Variants in BOLL observed in about 807,000 individuals in gnomAD.
BOLL encodes the protein boule RNA binding protein.
In BOLL, 23 loss-of-function variants were observed where a neutral mutation model predicts 44.4. The ratio of observed to expected loss-of-function variants is 0.52; its 90% CI spans 0.37 to 0.73. The LOEUF (loss-of-function observed/expected upper bound fraction) is 0.73, where lower values mean the gene tolerates loss of function less well. Ranked by LOEUF, BOLL falls within the 30% of genes least tolerant of loss-of-function variation. BOLL has a pLI of 0.00. For synonymous variants in BOLL, 97 were observed against 110.8 expected, an observed-to-expected ratio of 0.88 and a Z score of 0.78; for missense variants, 287 against 338.3, an observed-to-expected ratio of 0.85 and a Z score of 1.19.
chr2:197,782,764 A>G (rs1009416794), intron 1 of BOLL, among the ~76,000 whole-genome samples: 4 of 152,202 alleles, frequency 2.6e-5, no homozygotes, highest in African/African-American at 7.2e-5. Context: ...TAACATTCAC[A>G]TTCACCATTT....
At position 197,733,774 on chromosome 2, in the gene BOLL, A is replaced by C. The variant is rs538645817; in HGVS notation, c.829-5196T>G. Among the ~76,000 whole-genome samples, 12 of 152,302 alleles carry C rather than the reference A, an allele frequency of 7.9e-5. No homozygotes were observed. The South Asian group carries it at 2.3e-3, about 29-fold the overall frequency. ...GGCTAGCCATATGTAGAAAGCTGAA[A>C]CTGGATCCCTTCCTTACACCTTACA... On this transcript the variant is annotated intron_variant, in intron 10 of 10. Coordinates refer to ENST00000392296, the MANE Select transcript of BOLL (RefSeq NM_033030.6).
chr2:197,763,865 T>G (rs891188081), intron 7 of BOLL, among the ~76,000 whole-genome samples: 1 of 151,952 alleles, frequency 6.6e-6, no homozygotes, highest in East Asian at 1.9e-4. Context: ...ATAAACTGAT[T>G]AAAAATGGGC....
chr2:197,775,576 A>T, intron 5 of BOLL, 89 bp downstream of exon 5: 1 of 880,324 alleles, frequency 1.1e-6, no homozygotes, highest in Admixed American at 2.7e-5. Context: ...AAGAAACATG[A>T]TCTTTTAATA....
chr2:197,756,302 A>G, intron 9 of BOLL, 126 bp downstream of exon 9: 1 of 947,078 alleles, frequency 1.1e-6, no homozygotes, highest in South Asian at 2.5e-5. Flanking sequence ...AAGAGATTTG[A>G]ATAAATCAAC....
intron 7 of BOLL, 47 bp from the exon 8 acceptor site, chr2:197,757,447 AG>A: frequency 6.4e-7 from 1 of 1,553,508 alleles, no homozygotes; most frequent in East Asian, 2.3e-5. Flanking sequence ...ATTATAAACA[AG>A]GGTTAAAACT....
At chr2:197,741,864 AG>A (rs1383398466) in intron 10 of BOLL, among the ~76,000 whole-genome samples, 5 of 152,232 alleles carry the variant, frequency 3.3e-5, no homozygotes, top group Non-Finnish European at 7.3e-5. Context: ...CTACCATCAG[AG>A]TGAAAAGGCA....
chr2:197,756,052 A>G (rs1688504159), intron 9 of BOLL: 1 of 152,450 alleles, frequency 6.6e-6, no homozygotes, highest in African/African-American at 2.4e-5. Flanking sequence ...TTTTGTAGGA[A>G]GAATTTTTTT....
chr2:197,780,641 A>G (rs1689725626), intron 2 of BOLL, among the ~76,000 whole-genome samples: 1 of 152,054 alleles, frequency 6.6e-6, no homozygotes, highest in Non-Finnish European at 1.5e-5. Flanking sequence ...TACTTGTTTA[A>G]GACTCATTGT....
intron 8 of BOLL, among the ~76,000 whole-genome samples, chr2:197,756,792 A>C (rs2106350273): frequency 6.6e-6 from 1 of 152,296 alleles, no homozygotes; most frequent in Non-Finnish European, 1.5e-5. Context: ...TTAATGACTG[A>C]GAACCTCATA....
At chr2:197,784,114 G>T (rs750064884) in intron 1 of BOLL, among the ~76,000 whole-genome samples, 54 of 151,914 alleles carry the variant, frequency 3.6e-4, no homozygotes, top group Non-Finnish European at 3.5e-4. Context: ...AGGCTCTATT[G>T]TGGGCTCGCT....
chr2:197,757,449 G>C lies in BOLL; in HGVS notation c.553-49C>G, dbSNP rs763508762. ...AAAACCCATTCTGATTATAAACAAG[G>C]GTTAAAACTAGATATCTACAGGCAA... is the stretch of plus-strand genomic sequence containing the variant. On this transcript the variant is annotated intron_variant, in intron 7 of 10. Coordinates refer to ENST00000392296, the MANE Select transcript of BOLL (RefSeq NM_033030.6). 4.6e-6 allele frequency: 7 copies of C among 1,527,632 alleles called. No homozygotes were observed. In the Admixed American group the frequency reaches 7.5e-5, roughly 16 times the overall value. The allele number at this position is 1,527,632 out of a possible 1,614,324, so 94.6% of individuals were successfully genotyped here.
At chr2:197,781,183 C>A (rs1218653220) in intron 2 of BOLL, among the ~76,000 whole-genome samples, 2 of 151,868 alleles carry the variant, frequency 1.3e-5, no homozygotes, top group Non-Finnish European at 2.9e-5. Context: ...TTTTAAGATG[C>A]TTTATTCTGA....
chr2:197,767,913 C>T (rs1689067862), intron 6 of BOLL, among the ~76,000 whole-genome samples: 1 of 151,864 alleles, frequency 6.6e-6, no homozygotes, highest in Admixed American at 6.6e-5. Flanking sequence ...AGAACAAGGT[C>T]ATGATGTTTT....
chr2:197,770,413 A>T (rs1412601191), intron 6 of BOLL, among the ~76,000 whole-genome samples: 1 of 152,190 alleles, frequency 6.6e-6, no homozygotes, highest in Non-Finnish European at 1.5e-5. Flanking sequence ...AACCTAGGCA[A>T]TACCATTCAG....
chr2:197,767,844 T>C (rs373873715), intron 6 of BOLL, among the ~76,000 whole-genome samples: 2 of 152,182 alleles, frequency 1.3e-5, no homozygotes, highest in African/African-American at 4.8e-5. Flanking sequence ...TATGTATGTA[T>C]ACATGCATGC....
In BOLL at chr2:197,757,206, A is replaced by G. The variant is rs1158566879; in HGVS notation, c.600+147T>C. The G allele has an allele frequency of 9.6e-6, 6 of 621,922 alleles. No individual in the cohort carries two copies. The Admixed American group carries it at 2.0e-4, about 21-fold the overall frequency. 38.5% of individuals were successfully genotyped at this position (621,922 alleles called of 1,614,324 possible). ...TATCATTATATCCATTTTACAAATG[A>G]AGAAACTGAAAATGAACTGCCAAAA... On this transcript the variant is annotated intron_variant, in intron 8 of 10. Transcript: ENST00000392296.
At chr2:197,776,742 A>C in intron 4 of BOLL, among the ~76,000 whole-genome samples, 1 of 151,960 alleles carries the variant, frequency 6.6e-6, no homozygotes, top group Admixed American at 6.6e-5. Context: ...AAATCATCTC[A>C]GATAACCTCA....
chr2:197,759,143 A>AT (rs1688640532), intron 7 of BOLL: 1 of 714,362 alleles, frequency 1.4e-6, no homozygotes, highest in African/African-American at 1.8e-5. Flanking sequence ...TGACAGGAGC[A>AT]TCAAAAGGAG....
intron 10 of BOLL, among the ~76,000 whole-genome samples, chr2:197,734,509 C>T (rs700641): frequency 0.5 from 75,367 of 151,862 alleles, 19,420 homozygotes; most frequent in African/African-American, 0.61. Context: ...AAGACGCACA[C>T]GTATGTTTAT....
Sources: gnomAD v4.1 joint callset for allele counts (sites outside exome capture counted in the v4.1 genomes callset) on GRCh38, gnomAD v4.1.1 for gene constraint, MANE v1.5 for transcripts, NCBI Gene and HGNC (gene_info 2026-07-23, HGNC 2026-07-21) for gene names.